The following SH3GL1 variants were observed in gnomAD, a reference collection of about 807,000 sequenced individuals.
SH3GL1 encodes SH3 domain containing GRB2 like 1, endophilin A2, also known as endophilin-A2.
Under a neutral mutation model 48.8 loss-of-function variants are expected in SH3GL1, and 21 were observed. The ratio of observed to expected loss-of-function variants is 0.43; its 90% confidence interval spans 0.30 to 0.62. The LOEUF (loss-of-function observed/expected upper bound fraction) is 0.62, where lower values mean the gene tolerates loss of function less well. SH3GL1 is among the 20% of genes least tolerant of loss of function. The pLI, the probability that SH3GL1 is intolerant of heterozygous loss-of-function variation, is 0.11. For synonymous variants in SH3GL1, 282 were observed against 217.5 expected, an observed-to-expected ratio of 1.30 and a Z score of -2.61; for missense variants, 454 against 503.0, an observed-to-expected ratio of 0.90 and a Z score of 0.93.
At position 4,400,522 on chromosome 19, in the gene SH3GL1, T is replaced by TCG; in HGVS notation, c.-156_-155dup. ...CCCGCCCCGGCGCCGCCTCAGCCGC[T>TCG]CGCGCGCCCGCGCGGCCAGGATATT... On this transcript the variant is annotated 5_prime_UTR_variant, in exon 1 of 10. Transcript: ENST00000269886. The surrounding 1 kb of genome is among the most constrained non-coding windows in gnomAD (Gnocchi z 4.1). 2.1e-6 allele frequency: 1 copy of TCG among 473,400 alleles called. No individual in the cohort carries two copies. Among genetic ancestry groups the TCG allele is most frequent in the Non-Finnish European group, 2.8e-6 (1 of 359,376 alleles). The allele number at this position is 473,400 out of a possible 1,614,324, so 29.3% of individuals were successfully genotyped here.
chr19:4,395,040 G>A (rs902554119), intron 1 of SH3GL1, among the ~76,000 whole-genome samples: 4 of 152,256 alleles, frequency 2.6e-5, no homozygotes, highest in Admixed American at 6.5e-5. Context: ...CAGGAGCCCC[G>A]ATGCCTGTGG....
rs757486559 is a variant in SH3GL1 at position 4,367,476 on chromosome 19, T to TA, written c.46-483dup. Among the ~76,000 whole-genome samples the TA allele has an allele frequency of 2.1e-3, 321 of 152,160 alleles. 1 individual carries two copies. The highest frequency in any genetic ancestry group is 3.9e-3 in the South Asian group (19 of 4,824). On this transcript the variant is annotated intron_variant, in intron 1 of 9. Transcript: ENST00000269886. This position sits in a 1 kb window ranked among gnomAD's most constrained non-coding sequence, Gnocchi z 4.2. ...GGGAGAGGCAGCAGGAGCTGACAGT[T>TA]ACGAGAAGAGGTGCAGGCAGCCGGG...
chr19:4,379,647 C>T (rs927266982), intron 1 of SH3GL1, among the ~76,000 whole-genome samples: 4 of 152,046 alleles, frequency 2.6e-5, no homozygotes, highest in African/African-American at 7.3e-5. Flanking sequence ...CCATCCTGAA[C>T]GCAACTCCTT....
chr19:4,364,975 G>A (rs1307514081), intron 4 of SH3GL1, among the ~76,000 whole-genome samples: 1 of 143,868 alleles, frequency 7.0e-6, no homozygotes, highest in Non-Finnish European at 1.5e-5. Context: ...TGCTGGTCTC[G>A]AATTCCCGAT....
chr19:4,362,819 G>A (rs1972660833), intron 7 of SH3GL1, 83 bp from the exon 8 acceptor site: 2 of 1,599,868 alleles, frequency 1.3e-6, no homozygotes, highest in Admixed American at 1.7e-5. Flanking sequence ...GCTGCCTAAT[G>A]ACCTGGCCTG....
At chr19:4,382,135 C>T (rs1360433984) in intron 1 of SH3GL1, among the ~76,000 whole-genome samples, 1 of 152,126 alleles carries the variant, frequency 6.6e-6, no homozygotes, top group African/African-American at 2.4e-5. Context: ...TGGCTCACGG[C>T]CCCCTCCTCC....
chr19:4,384,028 G>C (rs1404958097), intron 1 of SH3GL1, among the ~76,000 whole-genome samples: 1 of 152,230 alleles, frequency 6.6e-6, no homozygotes, highest in Non-Finnish European at 1.5e-5. Flanking sequence ...ATCTTATCAA[G>C]TAGGTGAATT....
chr19:4,362,574 G>A (rs376702947), intron 8 of SH3GL1, 38 bp downstream of exon 8: 21 of 1,611,954 alleles, frequency 1.3e-5, no homozygotes, highest in African/African-American at 2.7e-5. Flanking sequence ...CCCACCCGCT[G>A]GCATTTGCCT....
At chr19:4,377,631 C>A (rs573938942) in intron 1 of SH3GL1, among the ~76,000 whole-genome samples, 1 of 152,246 alleles carries the variant, frequency 6.6e-6, no homozygotes, top group African/African-American at 2.4e-5. Flanking sequence ...GGGCCCTCTG[C>A]GAGCATTAGG....
intron 1 of SH3GL1, among the ~76,000 whole-genome samples, chr19:4,379,714 C>T (rs1203992553): frequency 6.6e-6 from 1 of 152,244 alleles, no homozygotes; most frequent in East Asian, 1.9e-4. Flanking sequence ...TTCCTGCCTT[C>T]GAGAACGTGC....
chr19:4,363,900 G>A, intron 5 of SH3GL1, 22 bp from the exon 6 acceptor site: 3 of 1,611,684 alleles, frequency 1.9e-6, no homozygotes, highest in East Asian at 2.2e-5. Flanking sequence ...GGGGACATGG[G>A]TCACACCAGT....
At chr19:4,381,763 G>A (rs978437368) in intron 1 of SH3GL1, among the ~76,000 whole-genome samples, 3 of 136,530 alleles carry the variant, frequency 2.2e-5, no homozygotes, top group African/African-American at 8.3e-5. Context: ...CGCGATCTTG[G>A]CTCACTGCAA....
At chr19:4,370,367 A>C (rs957648231) in intron 1 of SH3GL1, among the ~76,000 whole-genome samples, 1 of 152,154 alleles carries the variant, frequency 6.6e-6, no homozygotes. Flanking sequence ...TCCCATACCC[A>C]CAAGGCTCGC....
intron 1 of SH3GL1, among the ~76,000 whole-genome samples, chr19:4,397,480 C>A (rs1973446309): frequency 1.3e-5 from 2 of 152,234 alleles, no homozygotes; most frequent in African/African-American, 4.8e-5. Flanking sequence ...GGTGTCAGCT[C>A]AGGACAATAT....
chr19:4,363,955 C>T, intron 5 of SH3GL1, 77 bp from the exon 6 acceptor site: 2 of 1,606,700 alleles, frequency 1.2e-6, no homozygotes, highest in East Asian at 2.2e-5. Flanking sequence ...CCCACTGTCC[C>T]TGCACCACTG....
intron 1 of SH3GL1, among the ~76,000 whole-genome samples, chr19:4,388,842 C>A (rs892544538): frequency 6.6e-6 from 1 of 152,228 alleles, no homozygotes; most frequent in Admixed American, 6.5e-5. Flanking sequence ...GTCAGGCCCT[C>A]GGACCTGGCC....
rs141554064 is a variant in SH3GL1, at chr19:4,376,021, G to C, written c.46-9027C>G. On this transcript the variant is annotated intron_variant, in intron 1 of 9. Transcript: ENST00000269886. This position sits in a 1 kb window ranked among gnomAD's most constrained non-coding sequence, Gnocchi z 4.3. ...GCTGAGGCAATGCATAGCCCTGCAG[G>C]AAGAGACTGGAAATGGTCTTGGAGA... Among the ~76,000 whole-genome samples the C allele has an allele frequency of 3.3e-3, 496 of 152,352 alleles. 7 individuals carry two copies. The highest frequency in any genetic ancestry group is 0.011 in the African/African-American group (477 of 41,580).
At chr19:4,363,102 T>C (rs1972669406) in intron 7 of SH3GL1, among the ~76,000 whole-genome samples, 1 of 152,130 alleles carries the variant, frequency 6.6e-6, no homozygotes, top group Admixed American at 6.5e-5. Context: ...GAGGGGAGCC[T>C]GGGTGTTCCT....
At position 4,400,316 on chromosome 19, in the gene SH3GL1, G is replaced by A. The variant is rs1973500269; in HGVS notation, c.45+8C>T. 4 of 1,598,914 alleles carry A rather than the reference G, an allele frequency of 2.5e-6. No individual in the cohort carries two copies. Among genetic ancestry groups the A allele is most frequent in the Non-Finnish European group, 3.4e-6 (4 of 1,175,806 alleles). On this transcript the variant is annotated splice_region_variant and intron_variant, in intron 1 of 9. Transcript: ENST00000269886. The surrounding 1 kb of genome is among the most constrained non-coding windows in gnomAD (Gnocchi z 4.1). The stretch of plus-strand genomic sequence containing the variant: ...CGGTACTCGGCTCCCGCCTGGGCCT[G>A]CGCTCACCTGGCTCGCCTTGTAGAA...
Sources: allele counts gnomAD v4.1 joint callset (sites outside exome capture counted in the v4.1 genomes callset), GRCh38; gene constraint gnomAD v4.1.1; non-coding constraint Gnocchi (gnomAD v3.1); transcripts MANE v1.5; gene names NCBI Gene and HGNC (gene_info 2026-07-23, HGNC 2026-07-21).